ANKS1B: variants seen among roughly 807,000 people sequenced by gnomAD.
ANKS1B encodes the protein ankyrin repeat and sterile alpha motif domain containing 1B, also known as ankyrin repeat and sterile alpha motif domain-containing protein 1B.
In ANKS1B, 36 loss-of-function variants were observed where a neutral mutation model predicts 148.3. The observed-to-expected ratio is 0.24, with a 90% CI of 0.19 to 0.32. The LOEUF (loss-of-function observed/expected upper bound fraction) is 0.32. ANKS1B is among the 10% of genes least tolerant of loss of function. ANKS1B has a pLI of 1.00. For missense variants in ANKS1B, 1,157 were observed against 1,542.6 expected (o/e 0.75, Z 4.19); for synonymous variants, 542 against 560.8 (o/e 0.97, Z 0.47).
At chr12:99,173,830 A>G (rs1293720338) in intron 14 of ANKS1B, among the ~76,000 whole-genome samples, 1 of 152,116 alleles carries the variant, frequency 6.6e-6, no homozygotes, top group Admixed American at 6.5e-5. Context: ...CATTACTCGT[A>G]GTTCCTGTGC....
chr12:99,180,931 T>C (rs955075784), intron 14 of ANKS1B, among the ~76,000 whole-genome samples: 23 of 152,156 alleles, frequency 1.5e-4, no homozygotes, highest in African/African-American at 9.7e-5. Context: ...CCCTACTGAC[T>C]GTCCTCATAT....
At chr12:98,898,683 A>G (rs1450417134) in intron 17 of ANKS1B, among the ~76,000 whole-genome samples, 1 of 152,190 alleles carries the variant, frequency 6.6e-6, no homozygotes, top group Non-Finnish European at 1.5e-5. Flanking sequence ...ATGTCATTTG[A>G]AAAACAGATA....
chr12:98,864,292 C>T (rs1355946791), intron 17 of ANKS1B, among the ~76,000 whole-genome samples: 2 of 152,156 alleles, frequency 1.3e-5, no homozygotes, highest in Non-Finnish European at 2.9e-5. Flanking sequence ...GTGTTGAGAA[C>T]ATTTCAAGTC....
At chr12:99,269,413 A>G (rs1171431823) in intron 12 of ANKS1B, among the ~76,000 whole-genome samples, 2 of 152,132 alleles carry the variant, frequency 1.3e-5, no homozygotes, top group Non-Finnish European at 2.9e-5. Flanking sequence ...GGAAGCCATC[A>G]CTCTAACAAA....
chr12:99,663,553 G>T (rs1199148883), intron 8 of ANKS1B, among the ~76,000 whole-genome samples: 2 of 150,224 alleles, frequency 1.3e-5, no homozygotes, highest in African/African-American at 5.0e-5. Context: ...TTAATTTGGA[G>T]TTAGCTGTGA....
chr12:99,149,065 G>A (rs576661434), intron 15 of ANKS1B, among the ~76,000 whole-genome samples: 3 of 151,716 alleles, frequency 2.0e-5, no homozygotes, highest in South Asian at 2.1e-4. Flanking sequence ...AAATTATCAC[G>A]GGGGGAGGGG....
chr12:99,655,231 T>C (rs2098444270), intron 8 of ANKS1B, 21 bp from the exon 9 acceptor site: 1 of 1,539,580 alleles, frequency 6.5e-7, no homozygotes, highest in South Asian at 1.2e-5. Context: ...ATTTATATCA[T>C]ACCAATATAT....
intron 16 of ANKS1B, among the ~76,000 whole-genome samples, chr12:99,060,187 A>G (rs955242644): frequency 8.4e-5 from 10 of 119,200 alleles, no homozygotes; most frequent in African/African-American, 2.8e-4. Context: ...GAAAATTGAG[A>G]TATATTAACA....
At chr12:99,727,892 G>T (rs992782648) in intron 8 of ANKS1B, among the ~76,000 whole-genome samples, 14 of 152,086 alleles carry the variant, frequency 9.2e-5, no homozygotes, top group Non-Finnish European at 1.9e-4. Context: ...AATAGGAAAA[G>T]AATTTCCTAT....
chr12:98,986,901 G>T lies in ANKS1B; in HGVS notation c.2778+66256C>A, dbSNP rs569772143. 1.4e-4 allele frequency among the ~76,000 whole-genome samples: 21 copies of T among 152,208 alleles called. No individual in the cohort carries two copies. The East Asian group carries it at 3.9e-3, about 28-fold the overall frequency. Reference sequence around the variant, plus strand: ...CCGAAAGTGCTTAGATTATAGGCATGAGCCACCATGGCTGGCTGACCTTTT... The same window carrying T: ...CCGAAAGTGCTTAGATTATAGGCATTAGCCACCATGGCTGGCTGACCTTTT... On this transcript the variant is annotated intron_variant, in intron 17 of 26. Transcript: ENST00000683438.
At chr12:98,738,487 G>A (rs187990585) in intron 9 of ANKS1B, among the ~76,000 whole-genome samples, 3 of 152,282 alleles carry the variant, frequency 2.0e-5, no homozygotes, top group Admixed American at 2.0e-4. Flanking sequence ...GCACACGTTC[G>A]CATTCATTCA....
intron 19 of ANKS1B, among the ~76,000 whole-genome samples, chr12:98,808,762 C>T (rs1462669480): frequency 6.6e-6 from 1 of 152,160 alleles, no homozygotes; most frequent in Non-Finnish European, 1.5e-5. Flanking sequence ...TGACCCATCC[C>T]AAGTTCTGTT....
chr12:98,871,330 T>C lies in ANKS1B; in HGVS notation c.2779-39194A>G, dbSNP rs1396910509. Among the ~76,000 whole-genome samples, 3 of 152,224 alleles carry C rather than the reference T, an allele frequency of 2.0e-5. No homozygotes were observed. The East Asian group carries it at 5.8e-4, about 29-fold the overall frequency. Reference sequence around the variant, plus strand: ...TTTAAAAGTAAATTCTGATATTTAGTCTAAGTACTGTCTTACATATTAATT... The same window carrying C: ...TTTAAAAGTAAATTCTGATATTTAGCCTAAGTACTGTCTTACATATTAATT... On this transcript the variant is annotated intron_variant, in intron 17 of 26. Transcript: ENST00000683438.
intron 17 of ANKS1B, among the ~76,000 whole-genome samples, chr12:99,037,409 G>A (rs57241037): frequency 0.034 from 5,160 of 151,950 alleles, 318 homozygotes; most frequent in African/African-American, 0.12. Flanking sequence ...CTAGCTACTC[G>A]GGAGGCTGAG....
intron 9 of ANKS1B, among the ~76,000 whole-genome samples, chr12:98,737,229 ACTT>A (rs1268195075): frequency 6.6e-6 from 1 of 151,976 alleles, no homozygotes; most frequent in Admixed American, 6.6e-5. Context: ...ATCACATTAA[ACTT>A]CTCTGTTTAA....
intron 9 of ANKS1B, among the ~76,000 whole-genome samples, chr12:99,570,946 T>A (rs2097449126): frequency 6.6e-6 from 1 of 152,166 alleles, no homozygotes; most frequent in Non-Finnish European, 1.5e-5. Context: ...TTGTTAGGCA[T>A]CTTGCCAAAT....
rs566114554 is a variant in ANKS1B, at chr12:99,399,244, A to G, written c.1756+387T>C. On this transcript the variant is annotated intron_variant, in intron 12 of 26. Coordinates refer to ENST00000683438, the MANE Select transcript of ANKS1B (RefSeq NM_001352186.2). Reference sequence around the variant, plus strand: ...TAGGTTGAAAGCCAGCCTAGGCCACATTGTACAATTCCTTCTTACCAGACA... The same window carrying G: ...TAGGTTGAAAGCCAGCCTAGGCCACGTTGTACAATTCCTTCTTACCAGACA... 2.6e-5 allele frequency among the ~76,000 whole-genome samples: 4 copies of G among 152,192 alleles called. No homozygotes were observed. In the South Asian group the frequency reaches 8.3e-4, roughly 32 times the overall value.
intron 4 of ANKS1B, among the ~76,000 whole-genome samples, chr12:99,804,676 T>C (rs1602506410): frequency 6.6e-6 from 1 of 152,328 alleles, no homozygotes; most frequent in East Asian, 1.9e-4. Flanking sequence ...TTGCCACATT[T>C]AGTCCCTCTG....
At chr12:99,852,291 A>T (rs2088017192) in intron 1 of ANKS1B, among the ~76,000 whole-genome samples, 2 of 146,512 alleles carry the variant, frequency 1.4e-5, no homozygotes, top group South Asian at 2.1e-4. Context: ...ACCAAATCTA[A>T]GCTCTGATGC....
Sources: gnomAD v4.1 joint callset for allele counts (sites outside exome capture counted in the v4.1 genomes callset) on GRCh38, gnomAD v4.1.1 for gene constraint, MANE v1.5 for transcripts, NCBI Gene and HGNC (gene_info 2026-07-23, HGNC 2026-07-21) for gene names.